The following TENM2 variants were observed in gnomAD, a reference collection of about 807,000 sequenced individuals.
TENM2 encodes the protein teneurin-2.
A neutral mutation model predicts 245.2 loss-of-function variants in TENM2; 52 were observed. The observed-to-expected ratio is 0.21, with a 90% CI of 0.17 to 0.27. The LOEUF (loss-of-function observed/expected upper bound fraction) is 0.27. Ranked by LOEUF, TENM2 falls within the 10% of genes least tolerant of loss-of-function variation. The pLI, the probability that TENM2 is intolerant of heterozygous loss-of-function variation, is 1.00. For missense variants in TENM2, 3,046 were observed against 3,666.8 expected (o/e 0.83, Z 4.37); for synonymous variants, 1,363 against 1,438.9 (o/e 0.95, Z 1.19).
chr5:167,076,236 C>A, the TENM2 span, among the ~76,000 whole-genome samples: 1 of 152,104 alleles, frequency 6.6e-6, no homozygotes, highest in African/African-American at 2.4e-5. Context: ...AGTTCTAGGG[C>A]AGCCGTACCT....
intron 1 of TENM2, among the ~76,000 whole-genome samples, chr5:167,308,411 T>A (rs1233513870): frequency 2.0e-5 from 3 of 152,156 alleles, no homozygotes; most frequent in Non-Finnish European, 2.9e-5. Flanking sequence ...GTAAAGAGTG[T>A]TTATTAGCAC....
At chr5:167,038,268 C>A in the TENM2 span, among the ~76,000 whole-genome samples, 1 of 152,160 alleles carries the variant, frequency 6.6e-6, no homozygotes, top group African/African-American at 2.4e-5. Flanking sequence ...GCTAGTCACA[C>A]GAGGTCTTTT....
At chr5:168,167,606 C>G (rs558733929) in intron 13 of TENM2, among the ~76,000 whole-genome samples, 87 of 152,340 alleles carry the variant, frequency 5.7e-4, no homozygotes, top group Non-Finnish European at 1.0e-3. Context: ...GCATCACTTT[C>G]TTCCTTACTA....
chr5:167,893,062 A>T (rs1774885441), intron 3 of TENM2, among the ~76,000 whole-genome samples: 1 of 152,138 alleles, frequency 6.6e-6, no homozygotes, highest in African/African-American at 2.4e-5. Flanking sequence ...GAGGGAGAGT[A>T]TTACCTTTTG....
intron 19 of TENM2, among the ~76,000 whole-genome samples, chr5:168,208,681 A>G (rs920187122): frequency 2.0e-5 from 3 of 152,252 alleles, no homozygotes; most frequent in African/African-American, 7.2e-5. Flanking sequence ...TGAAGCACTC[A>G]ATCCCGAATA....
At chr5:166,999,201 G>A in the TENM2 span, among the ~76,000 whole-genome samples, 3 of 152,170 alleles carry the variant, frequency 2.0e-5, no homozygotes, top group Admixed American at 6.6e-5. Context: ...TCAGGTGAAA[G>A]TGGTAGAAGT....
At chr5:167,387,237 T>A (rs1417931887) in intron 2 of TENM2, among the ~76,000 whole-genome samples, 1 of 148,332 alleles carries the variant, frequency 6.7e-6, no homozygotes, top group Non-Finnish European at 1.5e-5. Context: ...TGGTTAGGTA[T>A]AATCCTAAGT....
chr5:167,671,867 AT>A (rs1755968629), intron 2 of TENM2, among the ~76,000 whole-genome samples: 1 of 151,812 alleles, frequency 6.6e-6, no homozygotes, highest in Non-Finnish European at 1.5e-5. Context: ...TGCTTGTAAT[AT>A]GGAAGTTATG....
intron 2 of TENM2, among the ~76,000 whole-genome samples, chr5:167,816,975 A>C (rs1210463863): frequency 6.6e-6 from 1 of 152,222 alleles, no homozygotes; most frequent in African/African-American, 2.4e-5. Flanking sequence ...GAAAGTGATT[A>C]GCTGAGATCT....
the TENM2 span, among the ~76,000 whole-genome samples, chr5:167,094,716 C>T: frequency 6.6e-6 from 1 of 152,282 alleles, no homozygotes; most frequent in Non-Finnish European, 1.5e-5. Context: ...ATTTTCTTAT[C>T]CCTTTGAGTC....
intron 1 of TENM2, among the ~76,000 whole-genome samples, chr5:167,353,856 G>T (rs540246731): frequency 6.6e-6 from 1 of 152,050 alleles, no homozygotes; most frequent in Non-Finnish European, 1.5e-5. Context: ...TGTTATTTTC[G>T]GAGTGGTTGG....
exon 27 of TENM2, chr5:168,246,789 G>A (rs1766612555): frequency 6.2e-7 from 1 of 1,613,832 alleles, no homozygotes; most frequent in Non-Finnish European, 8.5e-7. Flanking sequence ...GCCAACGTCA[G>A]TATATATTTG....
chr5:168,190,272 T>C (rs1230672607), intron 13 of TENM2, 65 bp from the exon 16 acceptor site: 1 of 1,283,812 alleles, frequency 7.8e-7, no homozygotes, highest in Non-Finnish European at 1.1e-6. Flanking sequence ...ACAAAGGTGT[T>C]AGTGTCTCCA....
chr5:167,952,584 T>TC lies in TENM2; in HGVS notation c.713-3dup, dbSNP rs1561974237. 5.6e-6 allele frequency: 9 copies of TC among 1,603,188 alleles called. No homozygotes were observed. The highest frequency in any genetic ancestry group is 3.4e-5 in the South Asian group (3 of 88,908). ...CTAACAGTCATTTCTCCTTTTTTTT[T>TC]CAGGCCCTCCGAACCACCACAGCCA... On this transcript the variant is annotated splice_polypyrimidine_tract_variant and splice_region_variant and intron_variant, in intron 3 of 28. Transcript: ENST00000518659.
chr5:168,014,773 T>G (rs1785522273), intron 5 of TENM2, among the ~76,000 whole-genome samples: 1 of 152,156 alleles, frequency 6.6e-6, no homozygotes, highest in Admixed American at 6.5e-5. Flanking sequence ...AATGAGAGGC[T>G]GTGGTTCCTG....
intron 3 of TENM2, among the ~76,000 whole-genome samples, chr5:167,946,321 T>TA (rs1205872786): frequency 6.6e-6 from 1 of 151,760 alleles, no homozygotes. Context: ...ACAGGCCTAA[T>TA]TGCTGCTCAT....
chr5:167,214,792 T>G, the TENM2 span, among the ~76,000 whole-genome samples: 2 of 152,148 alleles, frequency 1.3e-5, no homozygotes, highest in Admixed American at 1.3e-4. Flanking sequence ...GCAGTTGACT[T>G]AGCAGCAGAC....
chr5:167,304,765 G>T (rs1379789525), intron 1 of TENM2, among the ~76,000 whole-genome samples: 1 of 152,032 alleles, frequency 6.6e-6, no homozygotes, highest in Non-Finnish European at 1.5e-5. Flanking sequence ...TTTTGTTGCT[G>T]TTATTGTTTT....
intron 2 of TENM2, among the ~76,000 whole-genome samples, chr5:167,825,935 C>T (rs186013287): frequency 6.6e-6 from 1 of 151,928 alleles, no homozygotes; most frequent in East Asian, 1.9e-4. Flanking sequence ...TTCCCACATT[C>T]TGGGTGTTCC....
Sources: allele counts gnomAD v4.1 joint callset (sites outside exome capture counted in the v4.1 genomes callset), GRCh38; gene constraint gnomAD v4.1.1; transcripts MANE v1.5; gene names NCBI Gene and HGNC (gene_info 2026-07-23, HGNC 2026-07-21).